Variants in PDE1C observed in about 807,000 individuals in gnomAD.
PDE1C encodes phosphodiesterase 1C.
A neutral mutation model predicts 93.1 loss-of-function variants in PDE1C; 62 were observed. That is an observed-to-expected ratio of 0.67 (90% CI 0.54 to 0.82). PDE1C has a LOEUF of 0.82. Among genes scored for constraint, PDE1C ranks in the 40% least tolerant of loss-of-function variants. The pLI is 0.00. For missense variants in PDE1C, 742 were observed against 884.6 expected (o/e 0.84, Z 2.04); for synonymous variants, 325 against 310.1 (o/e 1.05, Z -0.50).
chr7:31,627,535 G>C, the PDE1C span, among the ~76,000 whole-genome samples: 1 of 151,964 alleles, frequency 6.6e-6, no homozygotes, highest in African/African-American at 2.4e-5. Context: ...GTGCACACCT[G>C]TAGTCCCAGC....
intron 1 of PDE1C, among the ~76,000 whole-genome samples, chr7:32,306,373 G>A (rs538376544): frequency 3.3e-4 from 50 of 152,202 alleles, no homozygotes; most frequent in Non-Finnish European, 5.3e-4. Context: ...CAACCAAATT[G>A]GGGAGCCTGT....
At chr7:32,096,268 C>T (rs1797742417) in intron 3 of PDE1C, among the ~76,000 whole-genome samples, 2 of 152,184 alleles carry the variant, frequency 1.3e-5, no homozygotes, top group Admixed American at 6.5e-5. Flanking sequence ...ACTAAGCAGG[C>T]AGTGCACTTC....
chr7:31,824,655 T>C (rs1400951889), intron 13 of PDE1C, among the ~76,000 whole-genome samples: 1 of 152,144 alleles, frequency 6.6e-6, no homozygotes, highest in Admixed American at 6.5e-5. Context: ...GGTCACGATT[T>C]AGACCTTGGT....
intron 2 of PDE1C, among the ~76,000 whole-genome samples, chr7:31,971,673 C>A (rs1257867041): frequency 1.3e-5 from 2 of 152,210 alleles, no homozygotes; most frequent in African/African-American, 4.8e-5. Flanking sequence ...TCCTCATAGG[C>A]AGGCTTCTGG....
intron 2 of PDE1C, among the ~76,000 whole-genome samples, chr7:32,199,208 T>A (rs1804832287): frequency 6.6e-6 from 1 of 152,184 alleles, no homozygotes; most frequent in African/African-American, 2.4e-5. Context: ...CAATTATTTT[T>A]GGTGTTTGCC....
chr7:32,190,029 C>T (rs1305841003), intron 2 of PDE1C, among the ~76,000 whole-genome samples: 1 of 152,216 alleles, frequency 6.6e-6, no homozygotes, highest in African/African-American at 2.4e-5. Flanking sequence ...GCTTCAATTA[C>T]ATCATGCATG....
At chr7:32,418,650 A>AT (rs1785325148) in intron 1 of PDE1C, among the ~76,000 whole-genome samples, 1 of 152,222 alleles carries the variant, frequency 6.6e-6, no homozygotes, top group Admixed American at 6.5e-5. Flanking sequence ...TTTTGAAGGG[A>AT]TGCCCTCATA....
chr7:31,743,572 TGC>T, the PDE1C span, among the ~76,000 whole-genome samples: 1 of 148,240 alleles, frequency 6.7e-6, no homozygotes, highest in African/African-American at 2.5e-5. Flanking sequence ...TGTGTGTGTG[TGC>T]GCACACACAC....
intron 16 of PDE1C, among the ~76,000 whole-genome samples, chr7:31,799,485 G>T (rs1192344506): frequency 6.6e-6 from 1 of 151,620 alleles, no homozygotes; most frequent in African/African-American, 2.4e-5. Flanking sequence ...TGCCTTAAAA[G>T]CTCAGAGTCA....
intron 2 of PDE1C, among the ~76,000 whole-genome samples, chr7:32,022,456 A>C (rs908233096): frequency 6.6e-6 from 1 of 152,054 alleles, no homozygotes; most frequent in African/African-American, 2.4e-5. Context: ...ATTTCAGACA[A>C]GTGATCAGAG....
chr7:32,020,130 C>G (rs1788448876), intron 2 of PDE1C, among the ~76,000 whole-genome samples: 1 of 152,086 alleles, frequency 6.6e-6, no homozygotes, highest in African/African-American at 2.4e-5. Context: ...CTCTCTTCTA[C>G]CTTCAGTGGT....
At chr7:31,764,629 C>T (rs963992262) in intron 17 of PDE1C, among the ~76,000 whole-genome samples, 9 of 152,100 alleles carry the variant, frequency 5.9e-5, no homozygotes, top group African/African-American at 1.9e-4. Flanking sequence ...TTTATTATGC[C>T]GAGTCATGGT....
chr7:32,216,593 A>C lies in PDE1C; in HGVS notation c.86-7054T>G, dbSNP rs1249496830. On this transcript the variant is annotated intron_variant, in intron 1 of 18. Transcript: ENST00000396193. Reference sequence around the variant, plus strand: ...TGCAAGGATATCACATCCCTTGAACACTCTGAATATCCATTCAGATCTTCA... The same window carrying C: ...TGCAAGGATATCACATCCCTTGAACCCTCTGAATATCCATTCAGATCTTCA... Among the ~76,000 whole-genome samples the C allele has an allele frequency of 2.0e-5, 3 of 152,242 alleles. No homozygotes were observed. The East Asian group carries it at 5.8e-4, about 29-fold the overall frequency.
chr7:32,021,558 G>A (rs751226889), intron 2 of PDE1C, among the ~76,000 whole-genome samples: 8 of 152,060 alleles, frequency 5.3e-5, no homozygotes, highest in South Asian at 2.1e-4. Flanking sequence ...AAAAACAAAC[G>A]AAATACTTAT....
intron 1 of PDE1C, among the ~76,000 whole-genome samples, chr7:32,244,111 G>C (rs974255512): frequency 6.6e-6 from 1 of 152,130 alleles, no homozygotes; most frequent in African/African-American, 2.4e-5. Context: ...AGAAATGAAG[G>C]CAGCACCCCA....
At chr7:31,875,816 T>TATATATATA (rs1259254668) in intron 5 of PDE1C, among the ~76,000 whole-genome samples, 3 of 81,794 alleles carry the variant, frequency 3.7e-5, no homozygotes, top group East Asian at 1.3e-3. Context: ...TATATATATA[T>TATATATATA]ATATATATAT....
chr7:32,388,542 T>TG (rs1784684182), intron 1 of PDE1C, among the ~76,000 whole-genome samples: 1 of 151,408 alleles, frequency 6.6e-6, no homozygotes, highest in African/African-American at 2.4e-5. Context: ...TAGCCGAGCA[T>TG]GGGGGTGCAC....
At chr7:32,355,377 A>G (rs1160869008) in intron 1 of PDE1C, among the ~76,000 whole-genome samples, 3 of 152,220 alleles carry the variant, frequency 2.0e-5, no homozygotes, top group African/African-American at 4.8e-5. Flanking sequence ...GGGGCAGTGC[A>G]CACTCCAAAC....
chr7:32,151,916 T>C (rs1341220370), intron 3 of PDE1C, among the ~76,000 whole-genome samples: 1 of 152,242 alleles, frequency 6.6e-6, no homozygotes, highest in Non-Finnish European at 1.5e-5. Flanking sequence ...GTCATTTATA[T>C]CTTAATAAAG....
Sources: allele counts gnomAD v4.1 joint callset (sites outside exome capture counted in the v4.1 genomes callset), GRCh38; gene constraint gnomAD v4.1.1; transcripts MANE v1.5; gene names NCBI Gene and HGNC (gene_info 2026-07-23, HGNC 2026-07-21).